The following TAOK3 variants were observed in gnomAD, a reference collection of about 807,000 sequenced individuals.
TAOK3 encodes the protein TAO kinase 3.
A neutral mutation model predicts 120.4 loss-of-function variants in TAOK3; 40 were observed. That is an observed-to-expected ratio of 0.33 (90% confidence interval 0.26 to 0.43). The LOEUF (loss-of-function observed/expected upper bound fraction) is 0.43. TAOK3 is among the 20% of genes least tolerant of loss of function. The pLI is 1.00. For synonymous variants in TAOK3, 355 were observed against 387.5 expected, an observed-to-expected ratio of 0.92 and a Z score of 0.99; for missense variants, 821 against 1,112.1, an observed-to-expected ratio of 0.74 and a Z score of 3.72.
At chr12:118,232,184 A>G (rs1344344165) in intron 9 of TAOK3, among the ~76,000 whole-genome samples, 1 of 152,188 alleles carries the variant, frequency 6.6e-6, no homozygotes, top group East Asian at 1.9e-4. Flanking sequence ...CCTCTCCACA[A>G]GAGATTGATT....
intron 1 of TAOK3, among the ~76,000 whole-genome samples, chr12:118,318,128 G>A (rs956628533): frequency 6.6e-6 from 1 of 151,000 alleles, no homozygotes; most frequent in Non-Finnish European, 1.5e-5. Context: ...GAATAGATCC[G>A]AGACCTAAAT....
At chr12:118,166,538 CAAA>C (rs1276962566) in intron 17 of TAOK3, among the ~76,000 whole-genome samples, 5 of 66,340 alleles carry the variant, frequency 7.5e-5, no homozygotes, top group African/African-American at 1.7e-4. Context: ...AACTCCGTCT[CAAA>C]AAAAAAAAAA....
At chr12:118,293,623 G>A (rs891979078) in intron 1 of TAOK3, among the ~76,000 whole-genome samples, 1 of 149,734 alleles carries the variant, frequency 6.7e-6, no homozygotes, top group South Asian at 2.1e-4. Flanking sequence ...GCAGTGAGCC[G>A]AGATCACACC....
rs563575787 is a variant in TAOK3, at chr12:118,267,238, C to T, written c.-193-479G>A. 2.2e-3 allele frequency among the ~76,000 whole-genome samples: 336 copies of T among 152,008 alleles called. 1 individual carries two copies. Among genetic ancestry groups the T allele is most frequent in the African/African-American group, 3.9e-3 (160 of 41,490 alleles). ...TATTATTTATTTATTTTTTTTGAGA[C>T]GGAGTCTTGCTCTGTTGCCCAGGCT... On this transcript the variant is annotated intron_variant, in intron 1 of 20. Transcript: ENST00000392533.
intron 1 of TAOK3, among the ~76,000 whole-genome samples, chr12:118,362,338 G>T (rs1216394266): frequency 3.9e-5 from 5 of 126,870 alleles, no homozygotes; most frequent in Admixed American, 7.7e-5. Flanking sequence ...AAAAAAAAAG[G>T]TCCATGCATA....
At chr12:118,191,635 T>C (rs2037435703) in intron 13 of TAOK3, among the ~76,000 whole-genome samples, 1 of 152,206 alleles carries the variant, frequency 6.6e-6, no homozygotes, top group Admixed American at 6.5e-5. Context: ...AAAATTATTC[T>C]ACATGATTTC....
intron 1 of TAOK3, among the ~76,000 whole-genome samples, chr12:118,353,081 C>T (rs1270492932): frequency 2.0e-5 from 3 of 152,024 alleles, no homozygotes; most frequent in Non-Finnish European, 2.9e-5. Context: ...CAGTTTCCTC[C>T]GCCTTATGCT....
chr12:118,213,271 T>C (rs1174213765), intron 10 of TAOK3, among the ~76,000 whole-genome samples: 1 of 152,164 alleles, frequency 6.6e-6, no homozygotes. Context: ...AAAAATACTA[T>C]GTTTAAATAA....
chr12:118,288,802 G>C (rs943546412), intron 1 of TAOK3, among the ~76,000 whole-genome samples: 4 of 151,202 alleles, frequency 2.6e-5, no homozygotes, highest in African/African-American at 9.7e-5. Flanking sequence ...TGTAATCCCA[G>C]CTACTTGGGA....
At chr12:118,250,508 C>CT (rs1413631925) in intron 3 of TAOK3, among the ~76,000 whole-genome samples, 1 of 152,172 alleles carries the variant, frequency 6.6e-6, no homozygotes, top group Non-Finnish European at 1.5e-5. Context: ...AGACTCTGGT[C>CT]TTTATGGCTT....
chr12:118,165,340 T>C (rs1204862807), intron 17 of TAOK3, among the ~76,000 whole-genome samples: 19 of 152,232 alleles, frequency 1.2e-4, no homozygotes, highest in Admixed American at 1.2e-3. Flanking sequence ...TCCCACACTT[T>C]CCTAAATTGA....
chr12:118,292,145 T>G (rs1463132535), intron 1 of TAOK3, among the ~76,000 whole-genome samples: 1 of 152,206 alleles, frequency 6.6e-6, no homozygotes, highest in African/African-American at 2.4e-5. Flanking sequence ...ACAATATTTT[T>G]TCCCCGTGGA....
intron 7 of TAOK3, chr12:118,236,425 A>G (rs1365859795): frequency 6.6e-6 from 1 of 152,194 alleles, no homozygotes; most frequent in East Asian, 1.9e-4. Flanking sequence ...AATATAATTC[A>G]AAAAATTCAT....
chr12:118,218,483 C>T (rs780180562), intron 9 of TAOK3, among the ~76,000 whole-genome samples: 16 of 152,026 alleles, frequency 1.1e-4, no homozygotes, highest in South Asian at 2.1e-4. Context: ...TGTCTGTATA[C>T]TTTAAATCAT....
At chr12:118,287,080 G>T (rs574244682) in intron 1 of TAOK3, among the ~76,000 whole-genome samples, 8 of 152,244 alleles carry the variant, frequency 5.3e-5, no homozygotes, top group South Asian at 2.1e-4. Flanking sequence ...GGACGGGAAG[G>T]GGGTGAGGGA....
At chr12:118,179,342 G>A (rs76017371) in intron 15 of TAOK3, among the ~76,000 whole-genome samples, 1,540 of 152,316 alleles carry the variant, frequency 0.01, 18 homozygotes, top group African/African-American at 0.026. Context: ...GGGGTGGCAG[G>A]AAAGGTGACT....
chr12:118,357,264 T>C (rs1160962730), intron 1 of TAOK3, among the ~76,000 whole-genome samples: 1 of 152,248 alleles, frequency 6.6e-6, no homozygotes, highest in Non-Finnish European at 1.5e-5. Flanking sequence ...ACATGATTAT[T>C]TGTATTAGTA....
intron 19 of TAOK3, among the ~76,000 whole-genome samples, chr12:118,155,064 C>T (rs557545880): frequency 1.9e-3 from 290 of 152,088 alleles, no homozygotes; most frequent in Non-Finnish European, 3.4e-3. Flanking sequence ...GGTGTGATCT[C>T]AGCTCACTGC....
intron 14 of TAOK3, among the ~76,000 whole-genome samples, chr12:118,187,667 A>C (rs1187054284): frequency 1.3e-5 from 2 of 152,138 alleles, no homozygotes; most frequent in African/African-American, 4.8e-5. Flanking sequence ...CATCAATCCC[A>C]ATCATGACTC....
Sources: allele counts gnomAD v4.1 joint callset (sites outside exome capture counted in the v4.1 genomes callset), GRCh38; gene constraint gnomAD v4.1.1; transcripts MANE v1.5; gene names NCBI Gene and HGNC (gene_info 2026-07-23, HGNC 2026-07-21).